AGAP1: variants seen among roughly 807,000 people sequenced by gnomAD.
The protein encoded by AGAP1 is ArfGAP with GTPase domain, ankyrin repeat and PH domain 1, also known as arf-GAP with GTPase, ANK repeat and PH domain-containing protein 1.
A neutral mutation model predicts 105.3 loss-of-function variants in AGAP1; 29 were observed. The observed-to-expected ratio is 0.28, with a 90% CI of 0.21 to 0.38. AGAP1 has a LOEUF of 0.38. AGAP1 is among the 10% of genes least tolerant of loss of function. AGAP1 has a pLI of 1.00. For synonymous variants in AGAP1, 509 were observed against 485.9 expected, an observed-to-expected ratio of 1.05 and a Z score of -0.63; for missense variants, 998 against 1,165.1, an observed-to-expected ratio of 0.86 and a Z score of 2.09.
rs1953067131 is a variant in AGAP1, at chr2:235,747,616, C to A, written c.539-2738C>A. On this transcript the variant is annotated intron_variant, in intron 5 of 17. Coordinates refer to ENST00000304032, the MANE Select transcript of AGAP1 (RefSeq NM_001037131.3). This position sits in a 1 kb window ranked among gnomAD's most constrained non-coding sequence, Gnocchi z 5.0. Reference sequence around the variant, plus strand: ...GGGATTCTCTTGGTCCTTCCCTAGACTTCAGGGAGCACCCCAGAAAGCCTG... The same window carrying A: ...GGGATTCTCTTGGTCCTTCCCTAGAATTCAGGGAGCACCCCAGAAAGCCTG... Among the ~76,000 whole-genome samples, 1 of 152,230 alleles carries A rather than the reference C, an allele frequency of 6.6e-6. No individual in the cohort carries two copies. The highest frequency in any genetic ancestry group is 6.5e-5 in the Admixed American group (1 of 15,288).
At chr2:235,738,149 T>G (rs962465250) in intron 3 of AGAP1, among the ~76,000 whole-genome samples, 3 of 151,972 alleles carry the variant, frequency 2.0e-5, no homozygotes, top group African/African-American at 7.3e-5. Flanking sequence ...GCAGGAAACT[T>G]GTGCAGAAAC....
chr2:235,608,250 A>G lies in AGAP1; in HGVS notation c.164-100929A>G, dbSNP rs1191497961. On this transcript the variant is annotated intron_variant, in intron 1 of 17. Coordinates refer to ENST00000304032, the MANE Select transcript of AGAP1 (RefSeq NM_001037131.3). This position sits in a 1 kb window ranked among gnomAD's most constrained non-coding sequence, Gnocchi z 5.4. ...ATCTTGCAGGGAAAGTGTGTTGGCA[A>G]ACATGCTGGATACTGTCAGAATCAG... Among the ~76,000 whole-genome samples, 1 of 152,194 alleles carries G rather than the reference A, an allele frequency of 6.6e-6. No homozygotes were observed.
At chr2:235,526,449 C>A (rs1295451907) in intron 1 of AGAP1, among the ~76,000 whole-genome samples, 1 of 152,194 alleles carries the variant, frequency 6.6e-6, no homozygotes, top group African/African-American at 2.4e-5. Flanking sequence ...TTGCTTATAA[C>A]TCACACCTGT....
chr2:236,100,469 G>C (rs183993419), intron 16 of AGAP1, among the ~76,000 whole-genome samples: 2 of 152,212 alleles, frequency 1.3e-5, no homozygotes, highest in South Asian at 2.1e-4. Flanking sequence ...CCAAACTTAG[G>C]GGGGAAAAAC....
At chr2:235,938,399 G>A (rs150122255) in intron 12 of AGAP1, among the ~76,000 whole-genome samples, 2,769 of 152,340 alleles carry the variant, frequency 0.018, 33 homozygotes, top group Non-Finnish European at 0.026. Context: ...GGTGCGCAGC[G>A]TGTCCCCCTG....
rs1052245171 is a variant in AGAP1, at chr2:235,967,158, C to T, written c.1484-1304C>T. On this transcript the variant is annotated intron_variant, in intron 12 of 17. Coordinates refer to ENST00000304032, the MANE Select transcript of AGAP1 (RefSeq NM_001037131.3). The surrounding 1 kb of genome is among the most constrained non-coding windows in gnomAD (Gnocchi z 4.7). ...CCCACCCACACCGGCCACCGCCACT[C>T]GGGCCCCCTCTCCGTTTCTGGAACA... is the stretch of plus-strand genomic sequence containing the variant. Among the ~76,000 whole-genome samples, 2 of 152,144 alleles carry T rather than the reference C, an allele frequency of 1.3e-5. No homozygotes were observed. Among genetic ancestry groups the T allele is most frequent in the Non-Finnish European group, 1.5e-5 (1 of 68,028 alleles).
chr2:235,791,808 A>G (rs1305299575), intron 6 of AGAP1, among the ~76,000 whole-genome samples: 1 of 152,144 alleles, frequency 6.6e-6, no homozygotes, highest in African/African-American at 2.4e-5. Context: ...CAGCCTCCCA[A>G]AGTGCTGGGA....
At chr2:235,862,585 C>T (rs2048974783) in intron 9 of AGAP1, among the ~76,000 whole-genome samples, 1 of 152,216 alleles carries the variant, frequency 6.6e-6, no homozygotes, top group African/African-American at 2.4e-5. Flanking sequence ...TGCAAACTGT[C>T]CCAGGTACCT....
chr2:235,604,322 A>AT (rs1037643628), intron 1 of AGAP1, among the ~76,000 whole-genome samples: 5 of 151,524 alleles, frequency 3.3e-5, no homozygotes, highest in South Asian at 2.1e-4. Context: ...TATACAACAG[A>AT]TTTTTTTTAA....
intron 9 of AGAP1, among the ~76,000 whole-genome samples, chr2:235,819,893 C>CTTTT (rs1958688361): frequency 9.7e-5 from 13 of 134,300 alleles, no homozygotes; most frequent in Admixed American, 4.1e-4. Context: ...TTTTTTTTTT[C>CTTTT]TTCTTTCTTT....
chr2:236,065,157 A>G (rs991990007), intron 16 of AGAP1, among the ~76,000 whole-genome samples: 6 of 152,230 alleles, frequency 3.9e-5, no homozygotes, highest in Admixed American at 6.5e-5. Flanking sequence ...GGGCTTCGTC[A>G]AAACCTCTGG....
intron 16 of AGAP1, among the ~76,000 whole-genome samples, chr2:236,075,200 CAG>C (rs2058604152): frequency 6.6e-6 from 1 of 152,126 alleles, no homozygotes; most frequent in Non-Finnish European, 1.5e-5. Flanking sequence ...AGGAATCTTT[CAG>C]GGGTGGCAGA....
chr2:235,572,659 T>C (rs2149166050), intron 1 of AGAP1, among the ~76,000 whole-genome samples: 1 of 152,332 alleles, frequency 6.6e-6, no homozygotes, highest in Non-Finnish European at 1.5e-5. Context: ...CAGAAAATAG[T>C]GGCCAACTTC....
At position 235,741,249 on chromosome 2, in the gene AGAP1, G is replaced by A. The variant is rs1952565584; in HGVS notation, c.396+201G>A. Among the ~76,000 whole-genome samples, 1 of 152,158 alleles carries A rather than the reference G, an allele frequency of 6.6e-6. No individual in the cohort carries two copies. Among genetic ancestry groups the A allele is most frequent in the South Asian group, 2.1e-4 (1 of 4,824 alleles). On this transcript the variant is annotated intron_variant, in intron 4 of 17. Coordinates refer to ENST00000304032, the MANE Select transcript of AGAP1 (RefSeq NM_001037131.3). This position sits in a 1 kb window ranked among gnomAD's most constrained non-coding sequence, Gnocchi z 4.9. ...TTTTTTTCCCAGACTAAATCCTGCA[G>A]GGAAGTTGGGTTTATGTGATGGCTT... is the stretch of plus-strand genomic sequence containing the variant.
chr2:235,572,966 C>T (rs1163646224), intron 1 of AGAP1, among the ~76,000 whole-genome samples: 1 of 149,518 alleles, frequency 6.7e-6, no homozygotes, highest in Non-Finnish European at 1.5e-5. Context: ...TCCCCGATTG[C>T]TCCATCTTTT....
chr2:235,680,552 G>A (rs182863257), intron 1 of AGAP1, among the ~76,000 whole-genome samples: 1 of 152,238 alleles, frequency 6.6e-6, no homozygotes, highest in Non-Finnish European at 1.5e-5. Flanking sequence ...AAGCCATGTG[G>A]GGAGGCACCG....
chr2:235,998,785 G>C (rs1476003019), intron 13 of AGAP1, among the ~76,000 whole-genome samples: 1 of 150,988 alleles, frequency 6.6e-6, no homozygotes, highest in East Asian at 2.0e-4. Flanking sequence ...TATGAAGGGG[G>C]TTGTGACAGT....
Position 236,123,035 on chromosome 2 carries a change from T to C in AGAP1, c.2371-884T>C, listed in dbSNP as rs1025255735. 1.3e-5 allele frequency among the ~76,000 whole-genome samples: 2 copies of C among 152,078 alleles called. No individual in the cohort carries two copies. The highest frequency in any genetic ancestry group is 2.9e-5 in the Non-Finnish European group (2 of 68,020). ...CAGTTGAGGGGAGAGTTCTGAATTC[T>C]GTTCATGTGGTGGAATACTGTATGA... On this transcript the variant is annotated intron_variant, in intron 17 of 17. Coordinates refer to ENST00000304032, the MANE Select transcript of AGAP1 (RefSeq NM_001037131.3). This position sits in a 1 kb window ranked among gnomAD's most constrained non-coding sequence, Gnocchi z 4.6.
At chr2:235,672,671 C>T (rs188547423) in intron 1 of AGAP1, among the ~76,000 whole-genome samples, 1 of 152,236 alleles carries the variant, frequency 6.6e-6, no homozygotes, top group Non-Finnish European at 1.5e-5. Context: ...TGCATCTTTG[C>T]TCTGTGGACT....
Sources: allele counts gnomAD v4.1 joint callset (sites outside exome capture counted in the v4.1 genomes callset), GRCh38; gene constraint gnomAD v4.1.1; non-coding constraint Gnocchi (gnomAD v3.1); transcripts MANE v1.5; gene names NCBI Gene and HGNC (gene_info 2026-07-23, HGNC 2026-07-21).